EXOC4: variants seen among roughly 807,000 people sequenced by gnomAD.
EXOC4 encodes the protein SEC8-like 1.
In EXOC4, 71 loss-of-function variants were observed where a neutral mutation model predicts 107.2. That is an observed-to-expected ratio of 0.66 (90% CI 0.55 to 0.81). The LOEUF (loss-of-function observed/expected upper bound fraction) is 0.81. EXOC4 is among the 30% of genes least tolerant of loss of function. EXOC4 has a pLI of 0.00. For synonymous variants in EXOC4, 456 were observed against 441.2 expected, an observed-to-expected ratio of 1.03 and a Z score of -0.42; for missense variants, 1,108 against 1,189.6, an observed-to-expected ratio of 0.93 and a Z score of 1.01.
At chr7:133,449,575 A>G (rs1798293564) in intron 7 of EXOC4, among the ~76,000 whole-genome samples, 1 of 152,134 alleles carries the variant, frequency 6.6e-6, no homozygotes, top group African/African-American at 2.4e-5. Context: ...CAGGAAGTAT[A>G]TAGCTATCGT....
intron 10 of EXOC4, among the ~76,000 whole-genome samples, chr7:133,709,373 T>C (rs1363959493): frequency 6.6e-6 from 1 of 152,206 alleles, no homozygotes; most frequent in African/African-American, 2.4e-5. Flanking sequence ...TCCTGCAAAC[T>C]GGCAAACTGA....
At chr7:133,614,146 C>G (rs1448186545) in intron 9 of EXOC4, among the ~76,000 whole-genome samples, 1 of 150,820 alleles carries the variant, frequency 6.6e-6, no homozygotes, top group East Asian at 1.9e-4. Context: ...GTGCCCTACA[C>G]TGGGGGAAAA....
At chr7:133,986,192 G>T (rs1794110117) in intron 14 of EXOC4, among the ~76,000 whole-genome samples, 1 of 152,172 alleles carries the variant, frequency 6.6e-6, no homozygotes, top group African/African-American at 2.4e-5. Context: ...AATTGATTTT[G>T]CTATTAATAG....
chr7:133,391,104 G>A (rs972661689), intron 7 of EXOC4, among the ~76,000 whole-genome samples: 2 of 152,208 alleles, frequency 1.3e-5, no homozygotes, highest in African/African-American at 2.4e-5. Flanking sequence ...TTGCCAAAGA[G>A]TTGTGTCACA....
intron 6 of EXOC4, among the ~76,000 whole-genome samples, chr7:133,367,615 T>C (rs1447262893): frequency 1.3e-5 from 2 of 152,174 alleles, no homozygotes; most frequent in African/African-American, 4.8e-5. Flanking sequence ...CTTTGGCCTC[T>C]CTTCTAAAAT....
intron 13 of EXOC4, among the ~76,000 whole-genome samples, chr7:133,921,968 C>T (rs1799946618): frequency 6.6e-6 from 1 of 152,128 alleles, no homozygotes; most frequent in South Asian, 2.1e-4. Context: ...TCTTCAGTGT[C>T]TCCAGTTCTT....
At position 133,684,497 on chromosome 7, in the gene EXOC4, G is replaced by T. The variant is rs191587830; in HGVS notation, c.1514+54356G>T. Reference sequence around the variant, plus strand: ...TCCATGATATCTGATAGATTTGTGGGTTCTATGTCTAAGAAAATGCAAGAA... The same window carrying T: ...TCCATGATATCTGATAGATTTGTGGTTTCTATGTCTAAGAAAATGCAAGAA... On this transcript the variant is annotated intron_variant, in intron 10 of 17. Transcript: ENST00000253861. Among the ~76,000 whole-genome samples, 42 of 152,156 alleles carry T rather than the reference G, an allele frequency of 2.8e-4. No homozygotes were observed. The East Asian group carries it at 7.3e-3, about 27-fold the overall frequency.
chr7:134,087,945 ACT>A, the EXOC4 span, among the ~76,000 whole-genome samples: 1 of 152,108 alleles, frequency 6.6e-6, no homozygotes, highest in African/African-American at 2.4e-5. Context: ...CATTGATGTA[ACT>A]CTGTTCCATA....
chr7:133,839,735 TTCA>T (rs1310513235), intron 11 of EXOC4, among the ~76,000 whole-genome samples: 1 of 152,198 alleles, frequency 6.6e-6, no homozygotes, highest in African/African-American at 2.4e-5. Flanking sequence ...CTATGTTAGT[TTCA>T]TCTTTTTAAT....
chr7:133,781,895 C>T (rs554029477), intron 10 of EXOC4, among the ~76,000 whole-genome samples: 5 of 130,508 alleles, frequency 3.8e-5, no homozygotes, highest in Admixed American at 1.7e-4. Flanking sequence ...CCAGACCTGC[C>T]GCATAATCAG....
At chr7:133,583,481 G>T (rs1332728785) in intron 9 of EXOC4, among the ~76,000 whole-genome samples, 1 of 152,218 alleles carries the variant, frequency 6.6e-6, no homozygotes, top group Non-Finnish European at 1.5e-5. Context: ...CTTGAGAGGT[G>T]CAGGCAAGAT....
rs745335511 is a variant in EXOC4, at chr7:133,630,047, G to T, written c.1420G>T (p.Gly474Cys). The T allele has an allele frequency of 8.7e-6, 14 of 1,611,672 alleles. No homozygotes were observed. The highest frequency in any genetic ancestry group is 1.3e-5 in the African/African-American group (1 of 74,816). Residue 474 changes from glycine to cysteine, a missense_variant and splice_region_variant, in exon 10 of 18, where the codon GGT (glycine) becomes TGT (cysteine). By Grantham distance (159) the Gly-to-Cys change is radical. Coordinates refer to ENST00000253861, the MANE Select transcript of EXOC4 (RefSeq NM_021807.4). The part of the protein sequence containing the change: ...LYSRSGELQG[G>C]PDDNLIEGGG... Reference sequence around the variant, plus strand: ...GTTTTTTTTCTTTCTTCTGAAAGGGGGTCCTGATGACAACTTAATTGAAGG... The same window carrying T: ...GTTTTTTTTCTTTCTTCTGAAAGGGTGTCCTGATGACAACTTAATTGAAGG...
At chr7:133,716,032 A>G (rs770482842) in intron 10 of EXOC4, among the ~76,000 whole-genome samples, 3 of 152,230 alleles carry the variant, frequency 2.0e-5, no homozygotes, top group Non-Finnish European at 4.4e-5. Flanking sequence ...GGCACATGGT[A>G]TCTCAATTGA....
chr7:133,334,265 C>T (rs1795459147), intron 5 of EXOC4, among the ~76,000 whole-genome samples: 1 of 152,110 alleles, frequency 6.6e-6, no homozygotes, highest in Non-Finnish European at 1.5e-5. Context: ...CTATTTTTTC[C>T]GTCTATCCCT....
At chr7:133,847,310 T>A (rs1412491821) in intron 11 of EXOC4, among the ~76,000 whole-genome samples, 1 of 152,114 alleles carries the variant, frequency 6.6e-6, no homozygotes, top group Admixed American at 6.6e-5. Flanking sequence ...CCCTAATAAG[T>A]ATTATTAGCA....
At chr7:133,429,807 T>C (rs1406863872) in intron 7 of EXOC4, among the ~76,000 whole-genome samples, 1 of 152,246 alleles carries the variant, frequency 6.6e-6, no homozygotes, top group Non-Finnish European at 1.5e-5. Context: ...TGCTTAATCA[T>C]GAGACAGGAG....
At chr7:133,368,614 A>G (rs376782612) in intron 6 of EXOC4, among the ~76,000 whole-genome samples, 10 of 152,332 alleles carry the variant, frequency 6.6e-5, no homozygotes, top group African/African-American at 1.4e-4. Flanking sequence ...GGAGAAGTCT[A>G]TGATGTCTTG....
chr7:133,997,074 A>G (rs1429565835), intron 14 of EXOC4, among the ~76,000 whole-genome samples: 4 of 152,184 alleles, frequency 2.6e-5, no homozygotes, highest in African/African-American at 9.6e-5. Context: ...AAAGGTATTG[A>G]GTTTCCTTTC....
At chr7:133,695,063 C>T (rs998480714) in intron 10 of EXOC4, among the ~76,000 whole-genome samples, 3 of 152,126 alleles carry the variant, frequency 2.0e-5, no homozygotes, top group African/African-American at 7.2e-5. Flanking sequence ...CTCAGGTAAT[C>T]GGCCCACCTC....
Sources: allele counts gnomAD v4.1 joint callset (sites outside exome capture counted in the v4.1 genomes callset), GRCh38; gene constraint gnomAD v4.1.1; transcripts MANE v1.5; gene names NCBI Gene and HGNC (gene_info 2026-07-23, HGNC 2026-07-21).